The following WNK1 variants were observed in gnomAD, a reference collection of about 807,000 sequenced individuals.
The protein encoded by WNK1 is WNK lysine deficient protein kinase 1, also known as serine/threonine-protein kinase WNK1.
A neutral mutation model predicts 222.8 loss-of-function variants in WNK1; 38 were observed. That is an observed-to-expected ratio of 0.17 (90% confidence interval 0.13 to 0.22). The LOEUF (loss-of-function observed/expected upper bound fraction) is 0.22. Among genes scored for constraint, WNK1 ranks in the 10% least tolerant of loss-of-function variants. The pLI is 1.00. For missense variants in WNK1, 2,348 were observed against 2,918.4 expected, an observed-to-expected ratio of 0.80 and a Z score of 4.50; for synonymous variants, 1,090 against 1,092.9, an observed-to-expected ratio of 1.00 and a Z score of 0.05.
intron 10 of WNK1, among the ~76,000 whole-genome samples, chr12:879,004 A>G (rs1222659931): frequency 6.6e-6 from 1 of 152,146 alleles, no homozygotes; most frequent in Admixed American, 6.5e-5. Flanking sequence ...GTAGATCCCA[A>G]TTTCTCACAT....
chr12:857,048 G>GA lies in WNK1; in HGVS notation c.1312-106dup, dbSNP rs72648669. The GA allele has an allele frequency of 3.6e-3, 4,045 of 1,138,296 alleles. 89 individuals carry two copies. In the African/African-American group the frequency reaches 0.052, roughly 15 times the overall value. The allele number at this position is 1,138,296 out of a possible 1,614,324, so 70.5% of individuals were successfully genotyped here. ...TGGACCAACTCCTGCAGGCGAGTCA[G>GA]AAAAAAAGCCGGGATAGTAAGAAAG... is the stretch of plus-strand genomic sequence containing the variant. On this transcript the variant is annotated intron_variant, in intron 4 of 27. Coordinates refer to ENST00000315939, the MANE Select transcript of WNK1 (RefSeq NM_018979.4).
intron 8 of WNK1, among the ~76,000 whole-genome samples, chr12:870,980 G>A (rs374057615): frequency 5.8e-4 from 88 of 152,220 alleles, no homozygotes; most frequent in Non-Finnish European, 9.0e-4. Context: ...TGAATCTGAC[G>A]ATTCTAGCCA....
Position 880,045 on chromosome 12 carries a change from T to G in WNK1, c.2832+14T>G. Reference sequence around the variant, plus strand: ...GTTCTGTACCAGGTATTGTGTTAGTTAGCAAAAGAGGGCACCACAGAGTTT... The same window carrying G: ...GTTCTGTACCAGGTATTGTGTTAGTGAGCAAAAGAGGGCACCACAGAGTTT... On this transcript the variant is annotated intron_variant, in intron 11 of 27. Coordinates refer to ENST00000315939, the MANE Select transcript of WNK1 (RefSeq NM_018979.4). 6.2e-7 allele frequency: 1 copy of G among 1,612,690 alleles called. No individual in the cohort carries two copies. The highest frequency in any genetic ancestry group is 8.5e-7 in the Non-Finnish European group (1 of 1,179,310).
At chr12:907,320 C>CA (rs58787108) in intron 26 of WNK1, among the ~76,000 whole-genome samples, 55,699 of 120,984 alleles carry the variant, frequency 0.46, 11,447 homozygotes, top group Middle Eastern at 0.53. Flanking sequence ...GACTCCATCT[C>CA]AAAAAAAAAA....
intron 26 of WNK1, among the ~76,000 whole-genome samples, chr12:905,423 C>T (rs1284210123): frequency 1.3e-5 from 2 of 152,160 alleles, no homozygotes; most frequent in Non-Finnish European, 1.5e-5. Context: ...AGTGAAATTT[C>T]GTTCTAAAGG....
At chr12:790,638 T>C (rs1475044850) in intron 1 of WNK1, among the ~76,000 whole-genome samples, 4 of 152,230 alleles carry the variant, frequency 2.6e-5, no homozygotes, top group African/African-American at 9.6e-5. Context: ...ACCAGTTCAG[T>C]TGAATGCAAC....
At chr12:879,278 A>G (rs1270725105) in intron 10 of WNK1, among the ~76,000 whole-genome samples, 1 of 151,934 alleles carries the variant, frequency 6.6e-6, no homozygotes, top group Non-Finnish European at 1.5e-5. Context: ...TGTCTATGGA[A>G]GGGTCCTCTT....
At chr12:890,622 G>T in intron 22 of WNK1, 109 bp downstream of exon 22, 1 of 1,107,194 alleles carries the variant, frequency 9.0e-7, no homozygotes, top group East Asian at 2.5e-5. Flanking sequence ...GATAACTGAG[G>T]AGCATTGGTA....
At chr12:842,794 A>G (rs1311651213) in intron 4 of WNK1, among the ~76,000 whole-genome samples, 1 of 152,176 alleles carries the variant, frequency 6.6e-6, no homozygotes, top group Non-Finnish European at 1.5e-5. Flanking sequence ...GAAGGAAGAG[A>G]AACTGTAATT....
At chr12:882,917 A>C (rs1565576834) in intron 14 of WNK1, 26 bp from the exon 15 acceptor site, 1 of 1,389,650 alleles carries the variant, frequency 7.2e-7, no homozygotes, top group South Asian at 1.2e-5. Flanking sequence ...TGGTCTTTGG[A>C]GATGATGTAC....
chr12:857,622 G>C (rs762885799), intron 5 of WNK1, among the ~76,000 whole-genome samples: 2 of 152,132 alleles, frequency 1.3e-5, no homozygotes, highest in Non-Finnish European at 2.9e-5. Context: ...TAAAACTTTG[G>C]CTCTTTAAAG....
intron 7 of WNK1, among the ~76,000 whole-genome samples, chr12:861,815 G>A (rs1951240035): frequency 6.6e-6 from 1 of 152,154 alleles, no homozygotes; most frequent in Admixed American, 6.5e-5. Flanking sequence ...GACTTTGAAA[G>A]CTGTGTCAAA....
At chr12:877,582 T>C (rs1179176202) in intron 9 of WNK1, among the ~76,000 whole-genome samples, 1 of 152,184 alleles carries the variant, frequency 6.6e-6, no homozygotes, top group Admixed American at 6.5e-5. Context: ...TGCCCCACTT[T>C]GAGTTAAAAA....
At chr12:760,251 C>T (rs758765809) in intron 1 of WNK1, among the ~76,000 whole-genome samples, 2 of 147,602 alleles carry the variant, frequency 1.4e-5, no homozygotes, top group Admixed American at 6.7e-5. Flanking sequence ...ATATATAATT[C>T]TTATAGTATT....
At chr12:788,811 C>T (rs1198904892) in intron 1 of WNK1, among the ~76,000 whole-genome samples, 1 of 151,422 alleles carries the variant, frequency 6.6e-6, no homozygotes, top group Non-Finnish European at 1.5e-5. Flanking sequence ...TGCTTGAACC[C>T]AGGAGGCGGA....
chr12:777,158 G>GTTTT (rs560869282), intron 1 of WNK1, among the ~76,000 whole-genome samples: 2 of 131,154 alleles, frequency 1.5e-5, no homozygotes, highest in African/African-American at 2.8e-5. Flanking sequence ...GATTTTTTTT[G>GTTTT]TTTTTTTTTT....
intron 24 of WNK1, 49 bp downstream of exon 24, chr12:896,781 C>T (rs751815674): frequency 6.3e-7 from 1 of 1,585,274 alleles, no homozygotes. Context: ...GTTTTCAGAC[C>T]TAGATCCCAG....
At chr12:793,643 G>T (rs193278364) in intron 1 of WNK1, among the ~76,000 whole-genome samples, 2 of 152,156 alleles carry the variant, frequency 1.3e-5, no homozygotes. Context: ...TTCTTGTCTG[G>T]CCCTGAGACA....
rs1453911637 is a variant in WNK1 at position 879,692 on chromosome 12, C to T, written c.2493C>T (p.Leu831=). The change falls in exon 11 of 28, where the codon CTC becomes CTT. Residue 831 remains leucine, a synonymous_variant. Coordinates refer to ENST00000315939, the MANE Select transcript of WNK1 (RefSeq NM_018979.4). ...ATTTCCTTCCAGTGGGACAGCCGCT[C>T]CCTACTCCCTTGCTCCCTCAGTACC... ...GAHFLPVGQP[L]PTPLLPQYPV... 5.6e-6 allele frequency: 9 copies of T among 1,613,954 alleles called. No homozygotes were observed. The highest frequency in any genetic ancestry group is 7.6e-6 in the Non-Finnish European group (9 of 1,179,986).
Sources: allele counts gnomAD v4.1 joint callset (sites outside exome capture counted in the v4.1 genomes callset), GRCh38; gene constraint gnomAD v4.1.1; transcripts MANE v1.5; gene names NCBI Gene and HGNC (gene_info 2026-07-23, HGNC 2026-07-21).